The following CEP72 variants were observed in gnomAD, a reference collection of about 807,000 sequenced individuals.
The protein encoded by CEP72 is centrosomal protein 72, also known as centrosomal protein of 72 kDa.
CEP72 carries 78 observed loss-of-function variants against 65.7 expected under a neutral mutation model. That is an observed-to-expected ratio of 1.19 (90% CI 0.99 to 1.43). The LOEUF is 1.43. Among genes scored for constraint, CEP72 ranks in the 40% most tolerant of loss-of-function variants. The pLI is 0.00. For missense variants in CEP72, 914 were observed against 832.9 expected, an observed-to-expected ratio of 1.10 and a Z score of -1.20; for synonymous variants, 358 against 351.7, an observed-to-expected ratio of 1.02 and a Z score of -0.20.
chr5:626,524 C>G (rs951592878), intron 4 of CEP72, among the ~76,000 whole-genome samples: 1 of 152,208 alleles, frequency 6.6e-6, no homozygotes, highest in Admixed American at 6.5e-5. Context: ...GAAGGATTTT[C>G]AAACATTGAA....
At chr5:619,737 G>A (rs1159804362) in intron 2 of CEP72, among the ~76,000 whole-genome samples, 1 of 152,248 alleles carries the variant, frequency 6.6e-6, no homozygotes, top group Non-Finnish European at 1.5e-5. Flanking sequence ...TCTGTGAAGG[G>A]GGGGCTGATG....
chr5:628,215 A>G (rs1419097966), intron 4 of CEP72, among the ~76,000 whole-genome samples: 1 of 152,212 alleles, frequency 6.6e-6, no homozygotes, highest in Admixed American at 6.5e-5. Flanking sequence ...CTCAGTTGAG[A>G]TTGTCCACAG....
At chr5:675,391 G>T in the CEP72 span, among the ~76,000 whole-genome samples, 1 of 136,110 alleles carries the variant, frequency 7.3e-6, no homozygotes, top group South Asian at 2.5e-4. Flanking sequence ...AGCGCAGAGG[G>T]TGCAGTGTGG....
chr5:613,887 G>T (rs1735834452), intron 1 of CEP72, among the ~76,000 whole-genome samples: 2 of 152,250 alleles, frequency 1.3e-5, no homozygotes, highest in Non-Finnish European at 2.9e-5. Flanking sequence ...GTTATTATCT[G>T]TAGAGTGGTT....
rs1288785053 is a variant in CEP72, at chr5:645,040, G to A, written c.1666+615G>A. ...CTGTCCACGGTAACCTTCTCGGTGTGGCGTGGAGTCTCTTGGAAGTTTTAA... is the reference window on the plus strand; with the variant it reads ...CTGTCCACGGTAACCTTCTCGGTGTAGCGTGGAGTCTCTTGGAAGTTTTAA... On this transcript the variant is annotated intron_variant, in intron 10 of 11. Coordinates refer to ENST00000264935, the MANE Select transcript of CEP72 (RefSeq NM_018140.4). This position sits in a 1 kb window ranked among gnomAD's most constrained non-coding sequence, Gnocchi z 4.0. Among the ~76,000 whole-genome samples the A allele has an allele frequency of 6.6e-6, 1 of 151,728 alleles. No individual in the cohort carries two copies. The highest frequency in any genetic ancestry group is 1.5e-5 in the Non-Finnish European group (1 of 67,914).
intron 4 of CEP72, among the ~76,000 whole-genome samples, chr5:666,502 C>G (rs1739921540): frequency 6.6e-6 from 1 of 152,198 alleles, no homozygotes; most frequent in Non-Finnish European, 1.5e-5. Context: ...CCGGCTCTGC[C>G]TGTGTGTGTT....
In CEP72 at chr5:620,220, G is replaced by C; in HGVS notation, c.362G>C (p.Arg121Pro). Residue 121 changes from arginine to proline, a missense_variant, in exon 3 of 12, where the codon CGC becomes CCC. Transcript: ENST00000264935. ...NPVVKVEPDY[R>P]LFVVHLLPKL... ...GTGGTGAAGGTTGAGCCTGACTACC[G>C]CCTTTTTGTTGTGCACCTGCTCCCC... 1 of 1,614,118 alleles carries C rather than the reference G, an allele frequency of 6.2e-7. No individual in the cohort carries two copies.
Position 624,677 on chromosome 5 carries a change from CA to C in CEP72, c.512+99del. 4 of 873,584 alleles carry C rather than the reference CA, an allele frequency of 4.6e-6. No homozygotes were observed. The highest frequency in any genetic ancestry group is 7.6e-6 in the Non-Finnish European group (4 of 526,594). The allele number at this position is 873,584 out of a possible 1,614,324, so 54.1% of individuals were successfully genotyped here. The stretch of plus-strand genomic sequence containing the variant: ...CATTCACTGTGTGCCGGTCACTCTC[CA>C]GGGGCGGACACCAGGAGGGAGGAAG... On this transcript the variant is annotated intron_variant, in intron 4 of 11. Coordinates refer to ENST00000264935, the MANE Select transcript of CEP72 (RefSeq NM_018140.4). This position sits in a 1 kb window ranked among gnomAD's most constrained non-coding sequence, Gnocchi z 4.7.
rs1561044800 is a variant in CEP72, at chr5:635,366, T to C, written c.692-6T>C. The C allele has an allele frequency of 6.4e-7, 1 of 1,572,048 alleles. No homozygotes were observed. The highest frequency in any genetic ancestry group is 1.1e-5 in the South Asian group (1 of 87,786). On this transcript the variant is annotated splice_region_variant and splice_polypyrimidine_tract_variant and intron_variant, in intron 5 of 11. Transcript: ENST00000264935. ...ATGAAATATTTTATTTACAATATTT[T>C]AATAGAATCCAGACATCTGTTGAGC...
rs2126781690 is a variant in CEP72, at chr5:635,495, A to C, written c.815A>C (p.Gln272Pro). 1 of 1,614,146 alleles carries C rather than the reference A, an allele frequency of 6.2e-7. No homozygotes were observed. The highest frequency in any genetic ancestry group is 8.5e-7 in the Non-Finnish European group (1 of 1,180,034). ...GCCLEKMPWS[Q>P]LCGELPPLYG... The stretch of plus-strand genomic sequence containing the variant: ...TGTCTGGAGAAGATGCCTTGGAGCC[A>C]GCTCTGTGGAGAGCTTCCGCCACTG... Residue 272 changes from glutamine (Q) to proline (P), a missense_variant, in exon 6 of 12, where the codon CAG (glutamine) becomes CCG (proline). By Grantham distance (76) the Gln-to-Pro change is moderately conservative. Coordinates refer to ENST00000264935, the MANE Select transcript of CEP72 (RefSeq NM_018140.4).
chr5:618,743 C>T (rs1222329928), intron 1 of CEP72, among the ~76,000 whole-genome samples: 2 of 152,092 alleles, frequency 1.3e-5, no homozygotes, highest in African/African-American at 4.8e-5. Context: ...TGAGCAGACA[C>T]CACCTATGGG....
At chr5:665,977 CCT>C (rs760604576) in exon 4 of CEP72, 4 of 1,598,536 alleles carry the variant, frequency 2.5e-6, no homozygotes, top group East Asian at 2.2e-5. Flanking sequence ...CACCGTCACC[CCT>C]GAGATGATGG....
chr5:621,661 G>A (rs1047433569), intron 3 of CEP72, among the ~76,000 whole-genome samples: 3 of 152,252 alleles, frequency 2.0e-5, no homozygotes, highest in Admixed American at 1.3e-4. Context: ...CGGGAAGGCT[G>A]TCTGGGGCCA....
intron 11 of CEP72, among the ~76,000 whole-genome samples, chr5:649,509 G>C (rs1738771016): frequency 1.1e-5 from 1 of 93,600 alleles, no homozygotes; most frequent in African/African-American, 4.4e-5. Context: ...AGGTGTGACT[G>C]TGAGGTGTGA....
At chr5:643,339 G>C (rs1439763380) in intron 9 of CEP72, 2 of 985,358 alleles carry the variant, frequency 2.0e-6, no homozygotes, top group South Asian at 4.7e-5. Context: ...GCGGAGGGCA[G>C]GTCATGCTGG....
In CEP72 at chr5:620,185, G is replaced by T; in HGVS notation, c.327G>T (p.Arg109=). ...ALTELVDVDF[R]LNPVVKVEPD... The stretch of plus-strand genomic sequence containing the variant: ...CCGAGCTCGTGGATGTGGACTTCCG[G>T]CTGAACCCCGTGGTGAAGGTTGAGC... Residue 109 remains arginine (R), a synonymous_variant, in exon 3 of 12, where the codon CGG becomes CGT. Coordinates refer to ENST00000264935, the MANE Select transcript of CEP72 (RefSeq NM_018140.4). 6.2e-7 allele frequency: 1 copy of T among 1,614,194 alleles called. No homozygotes were observed. The highest frequency in any genetic ancestry group is 8.5e-7 in the Non-Finnish European group (1 of 1,180,038).
downstream of CEP72, among the ~76,000 whole-genome samples, chr5:671,347 G>T (rs554482369): frequency 9.8e-4 from 150 of 152,304 alleles, 1 homozygote; most frequent in African/African-American, 3.5e-3. Flanking sequence ...AGGGACCCCG[G>T]GCAGATCTGA....
intron 6 of CEP72, 124 bp from the exon 7 acceptor site, chr5:637,393 A>AGT (rs556077432): frequency 1.7e-5 from 13 of 779,696 alleles, no homozygotes; most frequent in African/African-American, 1.4e-4. Flanking sequence ...TACATATGTA[A>AGT]GTGTGCGTGT....
Position 628,684 on chromosome 5 carries a change from A to AGTTCCCGGGGAGTGTTCC in CEP72, c.512+4105_512+4106insGTTCCCGGGGAGTGTTCC, listed in dbSNP as rs1561037338. Among the ~76,000 whole-genome samples the AGTTCCCGGGGAGTGTTCC allele has an allele frequency of 1.7e-4, 2 of 11,674 alleles. 1 individual carries two copies. The highest frequency in any genetic ancestry group is 2.9e-4 in the Non-Finnish European group (2 of 6,910). 7.7% of individuals were successfully genotyped at this position (11,674 alleles called of 152,430 possible). ...GTGCAGCTTCTGGAGAACTCAGGTCACAGGCCCCGGGGAGTGTTCCCAGGA... is the reference window on the plus strand; with the variant it reads ...GTGCAGCTTCTGGAGAACTCAGGTCAGTTCCCGGGGAGTGTTCCCAGGCCCCGGGGAGTGTTCCCAGGA... On this transcript the variant is annotated intron_variant, in intron 4 of 11. Coordinates refer to ENST00000264935, the MANE Select transcript of CEP72 (RefSeq NM_018140.4).
Sources: gnomAD v4.1 joint callset for allele counts (sites outside exome capture counted in the v4.1 genomes callset) on GRCh38, gnomAD v4.1.1 for gene constraint, Gnocchi (gnomAD v3.1) non-coding constraint, MANE v1.5 for transcripts, NCBI Gene and HGNC (gene_info 2026-07-23, HGNC 2026-07-21) for gene names.